Variants in UNC13C observed in about 807,000 individuals in gnomAD.
The protein encoded by UNC13C is protein unc-13 homolog C.
Under a neutral mutation model 245.4 loss-of-function variants are expected in UNC13C, and 174 were observed. That is an observed-to-expected ratio of 0.71 (90% confidence interval 0.63 to 0.80). UNC13C has a LOEUF of 0.80. UNC13C is among the 30% of genes least tolerant of loss of function. The pLI is 0.00. For synonymous variants in UNC13C, 992 were observed against 895.1 expected (o/e 1.11, Z -1.93); for missense variants, 2,829 against 2,602.9 (o/e 1.09, Z -1.89).
At chr15:54,235,225 A>C in intron 5 of UNC13C, 117 bp downstream of exon 5, 1 of 716,426 alleles carries the variant, frequency 1.4e-6, no homozygotes, top group Non-Finnish European at 2.3e-6. Context: ...ATAAAAATAT[A>C]TGAGGCCAGA....
chr15:54,051,432 G>A (rs1897261494), intron 2 of UNC13C, among the ~76,000 whole-genome samples: 1 of 151,826 alleles, frequency 6.6e-6, no homozygotes, highest in African/African-American at 2.4e-5. Context: ...TTTGTATTTG[G>A]GTTTTTTTTC....
At position 54,014,731 on chromosome 15, in the gene UNC13C, G is replaced by A. The variant is rs765683670; in HGVS notation, c.1828G>A (p.Val610Ile). The A allele has an allele frequency of 5.0e-6, 8 of 1,613,738 alleles. No individual in the cohort carries two copies. Among genetic ancestry groups the A allele is most frequent in the Admixed American group, 1.7e-5 (1 of 59,982 alleles). Reference protein sequence around the residue: ...SPKDQHLNGGVQGIQGQTETE... With the variant: ...SPKDQHLNGGIQGIQGQTETE... ...CAAGGACCAGCATTTGAATGGAGGT[G>A]TTCAGGGTATCCAAGGGCAGACTGA... Residue 610 changes from valine (V) to isoleucine (I), a missense_variant, in exon 2 of 33, where the codon GTT becomes ATT. Transcript: ENST00000260323.
intron 29 of UNC13C, among the ~76,000 whole-genome samples, chr15:54,563,465 A>G (rs1025988993): frequency 6.6e-6 from 1 of 152,010 alleles, no homozygotes; most frequent in African/African-American, 2.4e-5. Flanking sequence ...TTTTCCTGCT[A>G]CATTAGGCCA....
At chr15:54,040,002 C>G (rs12905401) in intron 2 of UNC13C, among the ~76,000 whole-genome samples, 88,904 of 151,492 alleles carry the variant, frequency 0.59, 26,223 homozygotes, top group Admixed American at 0.62. Flanking sequence ...CCCACCCCAC[C>G]CCCATTTTAC....
chr15:54,259,084 C>G (rs1203033069), intron 8 of UNC13C, among the ~76,000 whole-genome samples: 2 of 152,220 alleles, frequency 1.3e-5, no homozygotes, highest in African/African-American at 4.8e-5. Flanking sequence ...AAGTGAGCTC[C>G]CTTGAGCCTA....
intron 18 of UNC13C, among the ~76,000 whole-genome samples, chr15:54,399,837 T>C (rs1411139151): frequency 6.6e-6 from 1 of 151,982 alleles, no homozygotes; most frequent in African/African-American, 2.4e-5. Context: ...GGATTTGTCC[T>C]TTGTTCTTTC....
chr15:54,307,206 T>A lies in UNC13C; in HGVS notation c.4268+6833T>A, dbSNP rs554575727. Among the ~76,000 whole-genome samples the A allele has an allele frequency of 7.9e-5, 12 of 152,068 alleles. No individual in the cohort carries two copies. In the South Asian group the frequency reaches 2.1e-3, roughly 26 times the overall value. On this transcript the variant is annotated intron_variant, in intron 13 of 32. Transcript: ENST00000260323. ...AACAACAGAAATTTATTTCTCACAGTCCTGGATGCTAGAAGGTCCAAAATT... is the reference window on the plus strand; with the variant it reads ...AACAACAGAAATTTATTTCTCACAGACCTGGATGCTAGAAGGTCCAAAATT...
At chr15:54,467,971 A>G (rs1892271342) in intron 19 of UNC13C, among the ~76,000 whole-genome samples, 1 of 151,662 alleles carries the variant, frequency 6.6e-6, no homozygotes, top group Non-Finnish European at 1.5e-5. Flanking sequence ...TCCTTTGGCT[A>G]TACACCCAGA....
chr15:53,919,162 C>G, the UNC13C span, among the ~76,000 whole-genome samples: 1 of 152,082 alleles, frequency 6.6e-6, no homozygotes. Flanking sequence ...TAGTTTCTGA[C>G]TTAGAACACC....
chr15:54,400,115 A>G (rs2040151660), intron 18 of UNC13C, among the ~76,000 whole-genome samples: 1 of 151,928 alleles, frequency 6.6e-6, no homozygotes, highest in African/African-American at 2.4e-5. Context: ...GAGACATTCT[A>G]TCATTTCATC....
chr15:54,528,155 C>G (rs1172055006), intron 25 of UNC13C, among the ~76,000 whole-genome samples: 1 of 152,182 alleles, frequency 6.6e-6, no homozygotes, highest in Non-Finnish European at 1.5e-5. Context: ...AGCCAAACCA[C>G]ACATTTGTGG....
intron 17 of UNC13C, among the ~76,000 whole-genome samples, chr15:54,361,150 CTCTTT>C (rs2039221712): frequency 6.6e-6 from 1 of 151,956 alleles, no homozygotes; most frequent in East Asian, 1.9e-4. Flanking sequence ...GACTTCTTTA[CTCTTT>C]TCTATTCTTT....
chr15:54,632,340 C>A (rs569705012), downstream of UNC13C: 2 of 152,102 alleles, frequency 1.3e-5, no homozygotes, highest in Non-Finnish European at 2.9e-5. Flanking sequence ...TCCATCAAGT[C>A]GAATTTGATG....
intron 19 of UNC13C, among the ~76,000 whole-genome samples, chr15:54,455,215 A>ACCC (rs1891436825): frequency 1.7e-5 from 1 of 59,192 alleles, no homozygotes; most frequent in African/African-American, 5.2e-5. Flanking sequence ...CTATATATAT[A>ACCC]TATATATATA....
chr15:53,992,652 G>C (rs1408331668), intron 1 of UNC13C, among the ~76,000 whole-genome samples: 1 of 152,010 alleles, frequency 6.6e-6, no homozygotes, highest in Admixed American at 6.6e-5. Flanking sequence ...ACCTGCCCAA[G>C]CTGAGAATTC....
intron 4 of UNC13C, among the ~76,000 whole-genome samples, chr15:54,175,118 G>A (rs1024098887): frequency 1.3e-5 from 2 of 152,162 alleles, no homozygotes; most frequent in East Asian, 3.9e-4. Context: ...GACTCCAACA[G>A]GGGCATATTT....
At chr15:53,969,543 AGGCAT>A in the UNC13C span, among the ~76,000 whole-genome samples, 1 of 152,128 alleles carries the variant, frequency 6.6e-6, no homozygotes, top group East Asian at 1.9e-4. Context: ...AAAAATAGCC[AGGCAT>A]GGTGGCACAC....
chr15:54,497,700 T>A (rs902583174), intron 20 of UNC13C, among the ~76,000 whole-genome samples: 5 of 152,256 alleles, frequency 3.3e-5, no homozygotes, highest in Admixed American at 3.3e-4. Flanking sequence ...TAACAGTCTC[T>A]CCTTCTGTTG....
At chr15:54,570,085 G>C (rs1206894453) in intron 30 of UNC13C, among the ~76,000 whole-genome samples, 2 of 152,078 alleles carry the variant, frequency 1.3e-5, no homozygotes, top group Non-Finnish European at 2.9e-5. Context: ...AGAAGAAGAG[G>C]CCCTCAATGC....
Sources: gnomAD v4.1 joint callset for allele counts (sites outside exome capture counted in the v4.1 genomes callset) on GRCh38, gnomAD v4.1.1 for gene constraint, MANE v1.5 for transcripts, NCBI Gene and HGNC (gene_info 2026-07-23, HGNC 2026-07-21) for gene names.